LYPD6B: variants seen among roughly 807,000 people sequenced by gnomAD.
LYPD6B encodes LY6/PLAUR domain containing 6B, also known as ly6/PLAUR domain-containing protein 6B.
A neutral mutation model predicts 22.8 loss-of-function variants in LYPD6B; 17 were observed. That is an observed-to-expected ratio of 0.75 (90% confidence interval 0.51 to 1.12). LYPD6B has a LOEUF of 1.12. Ranked by LOEUF, LYPD6B falls within the 50% of genes most tolerant of loss-of-function variation. The pLI is 0.00. For synonymous variants in LYPD6B, 106 were observed against 91.6 expected, an observed-to-expected ratio of 1.16 and a Z score of -0.90; for missense variants, 221 against 258.3, an observed-to-expected ratio of 0.86 and a Z score of 0.99.
At position 149,187,669 on chromosome 2, in the gene LYPD6B, C is replaced by A; in HGVS notation, c.78-17584C>A. ...GTCCAATCTTTTGGATTCTGTGGGC[C>A]ACATTAGAAGAAGAGCTATCTTGGA... On this transcript the variant is annotated intron_variant, in intron 3 of 6. Transcript: ENST00000409642. 3 of 611,786 alleles carry A rather than the reference C, an allele frequency of 4.9e-6. No homozygotes were observed. The South Asian group carries it at 1.5e-4, about 31-fold the overall frequency. The allele number at this position is 611,786 out of a possible 1,614,324, so 37.9% of individuals were successfully genotyped here.
At chr2:149,092,105 A>AGTAGAG (rs1685679737) in intron 1 of LYPD6B, among the ~76,000 whole-genome samples, 1 of 151,980 alleles carries the variant, frequency 6.6e-6, no homozygotes, top group Admixed American at 6.6e-5. Context: ...CTATCAGAGG[A>AGTAGAG]GTAGAGGTCT....
chr2:149,191,230 T>G (rs552959839), intron 3 of LYPD6B, among the ~76,000 whole-genome samples: 1 of 152,306 alleles, frequency 6.6e-6, no homozygotes, highest in South Asian at 2.1e-4. Context: ...TATGTAAGGA[T>G]GGACTTTTTA....
chr2:149,049,283 G>A (rs1235980590), intron 1 of LYPD6B, among the ~76,000 whole-genome samples: 1 of 152,170 alleles, frequency 6.6e-6, no homozygotes, highest in African/African-American at 2.4e-5. Flanking sequence ...ACCAGTTTGT[G>A]TAACTCACTA....
At chr2:149,185,360 C>T (rs1447220113) in intron 3 of LYPD6B, among the ~76,000 whole-genome samples, 1 of 152,208 alleles carries the variant, frequency 6.6e-6, no homozygotes, top group Non-Finnish European at 1.5e-5. Flanking sequence ...CCAGTCAGGC[C>T]TCCTGTGAGC....
intron 1 of LYPD6B, among the ~76,000 whole-genome samples, chr2:149,119,506 G>A (rs1232367347): frequency 6.6e-6 from 1 of 152,210 alleles, no homozygotes; most frequent in Non-Finnish European, 1.5e-5. Flanking sequence ...CTTTTGACAT[G>A]TACCTTTGTG....
chr2:149,071,062 G>A (rs910968302), intron 1 of LYPD6B, among the ~76,000 whole-genome samples: 3 of 152,200 alleles, frequency 2.0e-5, no homozygotes, highest in Non-Finnish European at 4.4e-5. Flanking sequence ...TGAGGGGCTA[G>A]GAGGAGAGGG....
chr2:149,205,550 A>G (rs1693458913), intron 4 of LYPD6B, 146 bp downstream of exon 4: 5 of 883,822 alleles, frequency 5.7e-6, no homozygotes, highest in Admixed American at 2.5e-5. Flanking sequence ...CATTACTTCT[A>G]TGGGTAAGCA....
At chr2:149,174,315 T>C (rs940015429) in intron 3 of LYPD6B, among the ~76,000 whole-genome samples, 14 of 152,162 alleles carry the variant, frequency 9.2e-5, no homozygotes, top group African/African-American at 3.4e-4. Flanking sequence ...GAAAAAGGAT[T>C]GTGTCATCTG....
chr2:149,095,587 G>A (rs759719082), intron 1 of LYPD6B, among the ~76,000 whole-genome samples: 28 of 152,140 alleles, frequency 1.8e-4, no homozygotes, highest in Non-Finnish European at 4.0e-4. Context: ...GAAGCTGTTG[G>A]ATTCTTTGGG....
At chr2:149,082,462 G>T (rs894183816) in intron 1 of LYPD6B, among the ~76,000 whole-genome samples, 2 of 152,110 alleles carry the variant, frequency 1.3e-5, no homozygotes, top group African/African-American at 4.8e-5. Flanking sequence ...TTGCATTAAT[G>T]GTTTTTAGGA....
intron 3 of LYPD6B, among the ~76,000 whole-genome samples, chr2:149,191,304 ATTAT>A (rs1255030011): frequency 1.3e-5 from 2 of 152,186 alleles, no homozygotes; most frequent in Non-Finnish European, 2.9e-5. Context: ...ATAATGTAAA[ATTAT>A]TTAATAAAAT....
intron 3 of LYPD6B, among the ~76,000 whole-genome samples, chr2:149,190,204 C>G (rs1692400094): frequency 6.6e-6 from 1 of 151,952 alleles, no homozygotes; most frequent in African/African-American, 2.4e-5. Flanking sequence ...TCATACTGTT[C>G]CCTCTCTAAC....
rs148448789 is a variant in LYPD6B, at chr2:149,068,959, C to T, written c.-67+30158C>T. On this transcript the variant is annotated intron_variant, in intron 1 of 6. Transcript: ENST00000409642. ...AAACATTTCTAAAAATTATCTCGTC[C>T]GTCTCTTGTTCCACACTGTTCCAGA... 1.4e-3 allele frequency: 337 copies of T among 245,422 alleles called. 1 individual carries two copies. Among genetic ancestry groups the T allele is most frequent in the African/African-American group, 7.4e-3 (325 of 44,042 alleles). 15.2% of individuals were successfully genotyped at this position (245,422 alleles called of 1,614,324 possible). A position where few individuals can be genotyped will look rare whatever the true frequency, so the allele number is the denominator to read the frequency against.
chr2:149,212,220 C>CA (rs933016289), intron 5 of LYPD6B, among the ~76,000 whole-genome samples: 1,684 of 139,822 alleles, frequency 0.012, 32 homozygotes, highest in African/African-American at 0.038. Context: ...TACTAAAAAT[C>CA]AAAAAAAAAA....
intron 1 of LYPD6B, among the ~76,000 whole-genome samples, chr2:149,066,081 A>G (rs1684313293): frequency 6.6e-6 from 1 of 151,884 alleles, no homozygotes. Flanking sequence ...CATGGCACAG[A>G]TTGGGCAGTA....
At chr2:149,075,276 T>C (rs958620179) in intron 1 of LYPD6B, among the ~76,000 whole-genome samples, 3 of 152,194 alleles carry the variant, frequency 2.0e-5, no homozygotes, top group Non-Finnish European at 4.4e-5. Context: ...CCAGCGCTGA[T>C]TGGATAAGTA....
chr2:149,113,971 A>G (rs1448766934), intron 1 of LYPD6B, among the ~76,000 whole-genome samples: 1 of 152,220 alleles, frequency 6.6e-6, no homozygotes, highest in Non-Finnish European at 1.5e-5. Flanking sequence ...GTGGTTGACA[A>G]CTGTTAGATT....
chr2:149,189,341 A>ATT (rs1319695514), intron 3 of LYPD6B, among the ~76,000 whole-genome samples: 21 of 15,788 alleles, frequency 1.3e-3, no homozygotes, highest in African/African-American at 2.9e-3. Flanking sequence ...TTTGTCCAAA[A>ATT]TTATATATAT....
At chr2:149,118,690 C>A (rs974493447) in intron 1 of LYPD6B, among the ~76,000 whole-genome samples, 1 of 152,210 alleles carries the variant, frequency 6.6e-6, no homozygotes, top group African/African-American at 2.4e-5. Flanking sequence ...AGACCTTTTA[C>A]ATAAGTGATA....
Sources: allele counts gnomAD v4.1 joint callset (sites outside exome capture counted in the v4.1 genomes callset), GRCh38; gene constraint gnomAD v4.1.1; transcripts MANE v1.5; gene names NCBI Gene and HGNC (gene_info 2026-07-23, HGNC 2026-07-21).